KCNQ5: variants seen among roughly 807,000 people sequenced by gnomAD.
KCNQ5 encodes the protein potassium voltage-gated channel subfamily Q member 5.
Under a neutral mutation model 98.2 loss-of-function variants are expected in KCNQ5, and 30 were observed. That is an observed-to-expected ratio of 0.31 (90% CI 0.23 to 0.41). KCNQ5 has a LOEUF of 0.41. Ranked by LOEUF, KCNQ5 falls within the 10% of genes least tolerant of loss-of-function variation. KCNQ5 has a pLI of 1.00. For synonymous variants in KCNQ5, 458 were observed against 449.4 expected (o/e 1.02, Z -0.24); for missense variants, 835 against 1,182.5 (o/e 0.71, Z 4.31).
chr6:73,050,403 A>G (rs1772180476), intron 3 of KCNQ5, among the ~76,000 whole-genome samples: 1 of 152,190 alleles, frequency 6.6e-6, no homozygotes, highest in Non-Finnish European at 1.5e-5. Flanking sequence ...AAGATGTTCA[A>G]TGTTTTATTT....
intron 1 of KCNQ5, among the ~76,000 whole-genome samples, chr6:72,714,179 T>C (rs1769522079): frequency 2.0e-5 from 3 of 152,150 alleles, no homozygotes; most frequent in Admixed American, 2.0e-4. Context: ...CATTTGTTGT[T>C]GAAGGCCTCT....
chr6:72,826,432 A>G (rs1775996411), intron 1 of KCNQ5, among the ~76,000 whole-genome samples: 1 of 136,754 alleles, frequency 7.3e-6, no homozygotes, highest in Non-Finnish European at 1.6e-5. Flanking sequence ...AATAATGAAT[A>G]GAAGAAATAT....
At position 73,172,797 on chromosome 6, in the gene KCNQ5, T is replaced by C. The variant is rs561092208; in HGVS notation, c.1577+2943T>C. Among the ~76,000 whole-genome samples, 3 of 152,356 alleles carry C rather than the reference T, an allele frequency of 2.0e-5. No individual in the cohort carries two copies. In the South Asian group the frequency reaches 6.2e-4, roughly 32 times the overall value. ...AGAATATTTAATACGAATATTTAAA[T>C]ATGCCTTTTGTATTTCAGTAACTCT... On this transcript the variant is annotated intron_variant, in intron 11 of 13. Transcript: ENST00000370398.
chr6:72,728,145 A>G (rs1430927008), intron 1 of KCNQ5, among the ~76,000 whole-genome samples: 1 of 152,208 alleles, frequency 6.6e-6, no homozygotes, highest in African/African-American at 2.4e-5. Flanking sequence ...CATATAACAT[A>G]TGGTATAGCT....
intron 1 of KCNQ5, among the ~76,000 whole-genome samples, chr6:72,701,374 A>T (rs1468024186): frequency 6.6e-6 from 1 of 152,232 alleles, no homozygotes; most frequent in Non-Finnish European, 1.5e-5. Flanking sequence ...TGCTTTAGAC[A>T]ATTTTTTTAA....
chr6:72,696,580 G>C (rs1436749605), intron 1 of KCNQ5, among the ~76,000 whole-genome samples: 1 of 151,900 alleles, frequency 6.6e-6, no homozygotes, highest in Non-Finnish European at 1.5e-5. Context: ...GTGTGATGCT[G>C]AGTGGCAACT....
intron 1 of KCNQ5, among the ~76,000 whole-genome samples, chr6:72,686,078 C>T (rs942892336): frequency 6.6e-6 from 1 of 152,208 alleles, no homozygotes; most frequent in African/African-American, 2.4e-5. Context: ...GCTTCATCTT[C>T]ATGACCTCAT....
At chr6:73,112,967 T>TTC (rs1448470493) in intron 7 of KCNQ5, among the ~76,000 whole-genome samples, 2 of 151,724 alleles carry the variant, frequency 1.3e-5, no homozygotes, top group African/African-American at 4.8e-5. Flanking sequence ...TTTACAATTT[T>TTC]TTTTTTTTAC....
chr6:73,168,197 GACAC>G (rs555348412), intron 10 of KCNQ5, among the ~76,000 whole-genome samples: 46 of 152,254 alleles, frequency 3.0e-4, no homozygotes, highest in African/African-American at 1.1e-3. Flanking sequence ...TGATGTAAAT[GACAC>G]ACAAACTGCA....
chr6:73,060,858 C>G (rs1286450580), intron 3 of KCNQ5, among the ~76,000 whole-genome samples: 1 of 152,100 alleles, frequency 6.6e-6, no homozygotes, highest in Non-Finnish European at 1.5e-5. Flanking sequence ...GCAGTTTGAC[C>G]ACACACTTTA....
intron 1 of KCNQ5, among the ~76,000 whole-genome samples, chr6:72,799,250 C>CTCT (rs574549056): frequency 6.8e-4 from 104 of 152,280 alleles, no homozygotes; most frequent in Admixed American, 1.1e-3. Context: ...TCTAAAGGAA[C>CTCT]TCTTGGTTTT....
intron 1 of KCNQ5, among the ~76,000 whole-genome samples, chr6:72,978,743 A>T (rs552559779): frequency 6.6e-6 from 1 of 152,242 alleles, no homozygotes; most frequent in South Asian, 2.1e-4. Flanking sequence ...TTTGTTACAT[A>T]TGTATACATG....
intron 1 of KCNQ5, among the ~76,000 whole-genome samples, chr6:72,716,732 G>C (rs983854067): frequency 6.6e-5 from 10 of 152,312 alleles, no homozygotes; most frequent in African/African-American, 2.4e-4. Flanking sequence ...TCTGACATTT[G>C]AGAGAAGCAT....
intron 9 of KCNQ5, chr6:73,129,745 A>T: frequency 6.6e-7 from 1 of 1,522,598 alleles, no homozygotes; most frequent in Non-Finnish European, 9.0e-7. Context: ...GCACTTTCCT[A>T]TTCGTGAAAT....
intron 1 of KCNQ5, among the ~76,000 whole-genome samples, chr6:72,648,458 A>C (rs6928073): frequency 0.46 from 70,326 of 152,052 alleles, 19,993 homozygotes; most frequent in African/African-American, 0.77. Flanking sequence ...TGATATATCT[A>C]AAGCCTAATG....
At chr6:72,884,074 A>G (rs1381967159) in intron 1 of KCNQ5, among the ~76,000 whole-genome samples, 2 of 152,326 alleles carry the variant, frequency 1.3e-5, no homozygotes, top group Non-Finnish European at 2.9e-5. Context: ...TCTCTGCCAC[A>G]TCAAGTAGAT....
chr6:73,141,905 T>A (rs2797090), intron 10 of KCNQ5, among the ~76,000 whole-genome samples: 9,923 of 152,296 alleles, frequency 0.065, 458 homozygotes, highest in African/African-American at 0.13. Context: ...TCTCACAGTT[T>A]CTATGGTCAG....
intron 1 of KCNQ5, among the ~76,000 whole-genome samples, chr6:72,669,305 C>T (rs771154401): frequency 2.6e-5 from 4 of 152,118 alleles, no homozygotes; most frequent in Non-Finnish European, 5.9e-5. Context: ...AGGGAAAAAT[C>T]GGAAGGAATG....
intron 11 of KCNQ5, among the ~76,000 whole-genome samples, chr6:73,181,342 C>T (rs1484256412): frequency 2.0e-5 from 3 of 152,176 alleles, no homozygotes; most frequent in African/African-American, 7.2e-5. Context: ...GTATTAATCC[C>T]AGTGATGCAA....
Sources: allele counts gnomAD v4.1 joint callset (sites outside exome capture counted in the v4.1 genomes callset), GRCh38; gene constraint gnomAD v4.1.1; transcripts MANE v1.5; gene names NCBI Gene and HGNC (gene_info 2026-07-23, HGNC 2026-07-21).